The following SEPTIN6 variants were observed in gnomAD, a reference collection of about 807,000 sequenced individuals.
SEPTIN6 encodes septin 6, also known as septin-6.
SEPTIN6 carries 8 observed loss-of-function variants against 33.6 expected under a neutral mutation model. That is an observed-to-expected ratio of 0.24 (90% CI 0.14 to 0.43). The LOEUF (loss-of-function observed/expected upper bound fraction) is 0.43, where lower values mean the gene tolerates loss of function less well. Ranked by LOEUF, SEPTIN6 falls within the 20% of genes least tolerant of loss-of-function variation. The pLI, the probability that SEPTIN6 is intolerant of heterozygous loss-of-function variation, is 1.00. For missense variants in SEPTIN6, 250 were observed against 340.8 expected, an observed-to-expected ratio of 0.73 and a Z score of 2.10; for synonymous variants, 131 against 140.0, an observed-to-expected ratio of 0.94 and a Z score of 0.45.
chrX:119,663,771 A>G, intron 2 of SEPTIN6, 94 bp from the exon 3 acceptor site: 1 of 704,181 alleles, frequency 1.4e-6, no homozygotes, highest in Non-Finnish European at 2.1e-6. Flanking sequence ...TGACACGGGA[A>G]AATGAACATG....
At chrX:119,675,107 T>C (rs1386662385) in intron 2 of SEPTIN6, among the ~76,000 whole-genome samples, 1 of 110,587 alleles carries the variant, frequency 9.0e-6, no homozygotes, top group African/African-American at 3.3e-5. Context: ...TACAGCTGTG[T>C]GGTGCCTGCA....
At chrX:119,642,601 G>A (rs1213898699) in intron 5 of SEPTIN6, among the ~76,000 whole-genome samples, 1 of 111,192 alleles carries the variant, frequency 9.0e-6, no homozygotes, top group African/African-American at 3.3e-5. Flanking sequence ...AACTAGTTGT[G>A]CAAGACCAGA....
chrX:119,667,590 C>G (rs1001777199), intron 2 of SEPTIN6, among the ~76,000 whole-genome samples: 3 of 110,753 alleles, frequency 2.7e-5, no homozygotes, highest in African/African-American at 9.9e-5. Flanking sequence ...CAGTGTAGAG[C>G]CTGGGGGTCG....
At chrX:119,632,526 GA>G (rs1168772827) in intron 8 of SEPTIN6, among the ~76,000 whole-genome samples, 3 of 106,094 alleles carry the variant, frequency 2.8e-5, no homozygotes, top group Non-Finnish European at 5.9e-5. Flanking sequence ...AAGTGAAACT[GA>G]AAAAAAAAAT....
At chrX:119,626,403 C>T (rs941864763) in intron 9 of SEPTIN6, among the ~76,000 whole-genome samples, 3 of 111,980 alleles carry the variant, frequency 2.7e-5, no homozygotes, top group African/African-American at 9.7e-5. Context: ...TATGAAACTG[C>T]CCCAGGTACT....
intron 2 of SEPTIN6, among the ~76,000 whole-genome samples, chrX:119,664,909 C>T (rs1457457281): frequency 9.2e-6 from 1 of 108,291 alleles, no homozygotes; most frequent in Admixed American, 1.0e-4. Context: ...CAGTCCCCAC[C>T]TCTCCTCCCT....
intron 3 of SEPTIN6, among the ~76,000 whole-genome samples, chrX:119,661,489 A>G (rs2054546138): frequency 8.9e-6 from 1 of 112,247 alleles, no homozygotes; most frequent in African/African-American, 3.2e-5. Context: ...TAAGGAAGTG[A>G]GTGTGGCTGT....
At chrX:119,644,809 C>G (rs1450181092) in intron 5 of SEPTIN6, among the ~76,000 whole-genome samples, 2 of 109,485 alleles carry the variant, frequency 1.8e-5, no homozygotes, top group East Asian at 5.8e-4. Context: ...CAAGATCGCA[C>G]CACTGCACTG....
Position 119,617,813 on chromosome X carries a change from TACTG to T in SEPTIN6, c.*2276_*2279del, listed in dbSNP as rs771373484. 2 of 797,978 alleles carry T rather than the reference TACTG, an allele frequency of 2.5e-6. No homozygotes were observed. Among genetic ancestry groups the T allele is most frequent in the African/African-American group, 2.2e-5 (1 of 45,621 alleles). The allele number at this position is 797,978 out of a possible 1,213,427, so 65.8% of individuals were successfully genotyped here. Reference sequence around the variant, plus strand: ...ACGGAGTAAGTAGGTTATATCGTCTTACTGACTAAAATGTCTCCCTTAATATAAA... The same window carrying T: ...ACGGAGTAAGTAGGTTATATCGTCTTACTAAAATGTCTCCCTTAATATAAA... On this transcript the variant is annotated 3_prime_UTR_variant, in exon 11 of 11. Transcript: ENST00000394610.
chrX:119,682,775 C>T (rs2054984433), intron 1 of SEPTIN6, among the ~76,000 whole-genome samples: 2 of 111,225 alleles, frequency 1.8e-5, no homozygotes, highest in Non-Finnish European at 3.8e-5. Context: ...GTAAGCAAGC[C>T]GTATTTGAGG....
At chrX:119,616,624 T>A (rs2286146), downstream of SEPTIN6, 145 of 953,356 alleles carry the variant, frequency 1.5e-4, no homozygotes, top group East Asian at 4.4e-3. Flanking sequence ...GCTTGCAGTT[T>A]GAGGGGAGAG....
At chrX:119,676,739 C>G (rs1288281676) in intron 1 of SEPTIN6, among the ~76,000 whole-genome samples, 1 of 111,467 alleles carries the variant, frequency 9.0e-6, no homozygotes, top group Non-Finnish European at 1.9e-5. Flanking sequence ...CCACTGCACT[C>G]CCGCCCAGGT....
chrX:119,631,759 T>A (rs1391120214), intron 8 of SEPTIN6, among the ~76,000 whole-genome samples: 2 of 109,637 alleles, frequency 1.8e-5, no homozygotes, highest in Non-Finnish European at 3.8e-5. Context: ...ATTTTTTGTA[T>A]TTGTAATTAT....
intron 1 of SEPTIN6, among the ~76,000 whole-genome samples, chrX:119,682,443 C>T (rs947028777): frequency 1.8e-5 from 2 of 111,058 alleles, no homozygotes; most frequent in African/African-American, 6.6e-5. Context: ...ACTGGGAGAG[C>T]GCCCCACTCC....
intron 2 of SEPTIN6, among the ~76,000 whole-genome samples, chrX:119,675,340 A>G (rs1381138718): frequency 9.0e-6 from 1 of 111,427 alleles, no homozygotes; most frequent in Non-Finnish European, 1.9e-5. Flanking sequence ...TTTCCCCCCA[A>G]GATATGGCCC....
intron 3 of SEPTIN6, among the ~76,000 whole-genome samples, chrX:119,661,293 T>A (rs764061063): frequency 9.5e-6 from 1 of 105,300 alleles, no homozygotes; most frequent in Non-Finnish European, 1.9e-5. Context: ...TAGCTGGGTG[T>A]GGTGGCACGA....
At chrX:119,636,667 C>T (rs1176895886) in intron 7 of SEPTIN6, among the ~76,000 whole-genome samples, 1 of 111,759 alleles carries the variant, frequency 8.9e-6, no homozygotes, top group African/African-American at 3.2e-5. Context: ...ACTGCCACCT[C>T]GTGGAACAGG....
Position 119,650,106 on chromosome X carries a change from G to C in SEPTIN6, c.529-8C>G. The C allele has an allele frequency of 8.3e-7, 1 of 1,209,379 alleles. No homozygotes were observed. Among genetic ancestry groups the C allele is most frequent in the Non-Finnish European group, 1.1e-6 (1 of 893,721 alleles). ...GATGGGGATGATGTTCACCTAGGGA[G>C]AGGAGGGGCAAAGTGGGGTCATTGT... On this transcript the variant is annotated splice_polypyrimidine_tract_variant and splice_region_variant and intron_variant, in intron 4 of 10. Coordinates refer to ENST00000394610, the MANE Select transcript of SEPTIN6 (RefSeq NM_145799.4).
chrX:119,634,692 T>A (rs939411678), intron 7 of SEPTIN6, among the ~76,000 whole-genome samples: 1 of 111,718 alleles, frequency 9.0e-6, no homozygotes, highest in African/African-American at 3.2e-5. Context: ...AAGGATAGAC[T>A]GTCCATCAAT....
Sources: gnomAD v4.1 joint callset for allele counts (sites outside exome capture counted in the v4.1 genomes callset) on GRCh38, gnomAD v4.1.1 for gene constraint, MANE v1.5 for transcripts, NCBI Gene and HGNC (gene_info 2026-07-23, HGNC 2026-07-21) for gene names.